RBFOX1: variants seen among roughly 807,000 people sequenced by gnomAD.
RBFOX1 encodes RNA binding protein fox-1 homolog 1.
RBFOX1 carries 8 observed loss-of-function variants against 57.7 expected under a neutral mutation model. The observed-to-expected ratio is 0.14, with a 90% CI of 0.08 to 0.25. The LOEUF (loss-of-function observed/expected upper bound fraction) is 0.25. Among genes scored for constraint, RBFOX1 ranks in the 10% least tolerant of loss-of-function variants. The pLI, the probability that RBFOX1 is intolerant of heterozygous loss-of-function variation, is 1.00. For synonymous variants in RBFOX1, 326 were observed against 222.4 expected (o/e 1.47, Z -4.15); for missense variants, 611 against 548.5 (o/e 1.11, Z -1.14).
At chr16:6,861,486 C>CG in intron 3 of RBFOX1, among the ~76,000 whole-genome samples, 1 of 118,992 alleles carries the variant, frequency 8.4e-6, no homozygotes, top group Admixed American at 9.4e-5. Flanking sequence ...TCCCAACCCC[C>CG]TCCCCCCCCG....
chr16:6,229,458 A>G (rs1458005801), intron 1 of RBFOX1, among the ~76,000 whole-genome samples: 1 of 152,184 alleles, frequency 6.6e-6, no homozygotes, highest in South Asian at 2.1e-4. Context: ...GTTTGAATCA[A>G]GAACCGGCAA....
At chr16:6,245,073 A>G (rs11077018) in intron 1 of RBFOX1, among the ~76,000 whole-genome samples, 1 of 151,988 alleles carries the variant, frequency 6.6e-6, no homozygotes, top group Non-Finnish European at 1.5e-5. Flanking sequence ...TTCTTGGCAG[A>G]AGCTATATCT....
intron 4 of RBFOX1, among the ~76,000 whole-genome samples, chr16:7,316,890 G>A (rs2096451700): frequency 6.6e-6 from 1 of 151,470 alleles, no homozygotes; most frequent in African/African-American, 2.4e-5. Context: ...GACACATAAG[G>A]GCCAGAGACG....
At chr16:6,802,250 G>A (rs368127848) in intron 3 of RBFOX1, among the ~76,000 whole-genome samples, 1 of 152,084 alleles carries the variant, frequency 6.6e-6, no homozygotes, top group Non-Finnish European at 1.5e-5. Flanking sequence ...CACTCAGTCA[G>A]TGCCGAAACA....
At chr16:7,155,306 G>A (rs992532984) in intron 4 of RBFOX1, among the ~76,000 whole-genome samples, 2 of 152,068 alleles carry the variant, frequency 1.3e-5, no homozygotes, top group Non-Finnish European at 2.9e-5. Flanking sequence ...GAGAGTTGGA[G>A]GATTGGCCAG....
intron 3 of RBFOX1, among the ~76,000 whole-genome samples, chr16:6,884,029 TC>T (rs2063471143): frequency 6.6e-6 from 1 of 152,128 alleles, no homozygotes; most frequent in South Asian, 2.1e-4. Flanking sequence ...TTTTTGTTCT[TC>T]TGACAAACTG....
intron 2 of RBFOX1, among the ~76,000 whole-genome samples, chr16:6,354,619 G>T (rs1262856302): frequency 1.3e-5 from 2 of 152,076 alleles, no homozygotes; most frequent in Non-Finnish European, 2.9e-5. Context: ...CTTCCTGACT[G>T]TATACTAGCT....
chr16:6,950,809 T>G, intron 3 of RBFOX1, among the ~76,000 whole-genome samples: 1 of 152,196 alleles, frequency 6.6e-6, no homozygotes, highest in East Asian at 1.9e-4. Flanking sequence ...CAACAGATGC[T>G]AAAGGACTAC....
At chr16:6,664,635 T>C (rs867412773) in intron 3 of RBFOX1, among the ~76,000 whole-genome samples, 4 of 152,170 alleles carry the variant, frequency 2.6e-5, no homozygotes, top group Admixed American at 6.5e-5. Context: ...TTACTGAGAC[T>C]GGGGACCAGG....
At chr16:7,391,594 C>T (rs116434350) in intron 4 of RBFOX1, among the ~76,000 whole-genome samples, 4 of 152,220 alleles carry the variant, frequency 2.6e-5, no homozygotes, top group African/African-American at 4.8e-5. Context: ...CACTTTATAA[C>T]TTCAGTACCT....
intron 14 of RBFOX1, among the ~76,000 whole-genome samples, chr16:7,686,947 C>G (rs564058109): frequency 1.3e-5 from 2 of 152,112 alleles, no homozygotes; most frequent in East Asian, 1.9e-4. Flanking sequence ...GGTAGAATAG[C>G]CAAACTGGGG....
chr16:5,315,155 TTGG>T (rs1225331340), intron 1 of RBFOX1, among the ~76,000 whole-genome samples: 5 of 152,168 alleles, frequency 3.3e-5, no homozygotes, highest in African/African-American at 9.7e-5. Context: ...GATCACGTTG[TTGG>T]TGGAGTCTGT....
At chr16:7,531,109 G>A (rs2079954933) in intron 5 of RBFOX1, among the ~76,000 whole-genome samples, 2 of 152,114 alleles carry the variant, frequency 1.3e-5, no homozygotes. Flanking sequence ...GATTTGTTTT[G>A]AAAGTGAAAA....
chr16:5,506,796 C>T (rs1409893861), intron 2 of RBFOX1, among the ~76,000 whole-genome samples: 1 of 152,124 alleles, frequency 6.6e-6, no homozygotes, highest in Non-Finnish European at 1.5e-5. Flanking sequence ...GGTACGACCA[C>T]TGGGTAATTC....
intron 3 of RBFOX1, among the ~76,000 whole-genome samples, chr16:6,694,961 C>A (rs1427500063): frequency 1.3e-5 from 2 of 151,884 alleles, no homozygotes; most frequent in African/African-American, 4.8e-5. Flanking sequence ...AGTTCAGTAC[C>A]ACAGGTGTCA....
intron 3 of RBFOX1, among the ~76,000 whole-genome samples, chr16:5,759,355 T>G (rs1053704662): frequency 1.3e-5 from 2 of 152,206 alleles, no homozygotes; most frequent in African/African-American, 4.8e-5. Context: ...TTCTGATGCT[T>G]GTATTTCCTT....
At chr16:7,444,772 T>A (rs920563439) in intron 4 of RBFOX1, among the ~76,000 whole-genome samples, 2 of 152,140 alleles carry the variant, frequency 1.3e-5, no homozygotes, top group Non-Finnish European at 2.9e-5. Flanking sequence ...GCTCAAGTGA[T>A]CCTCCCACCT....
intron 2 of RBFOX1, among the ~76,000 whole-genome samples, chr16:6,523,761 C>T (rs753766403): frequency 8.5e-5 from 13 of 152,202 alleles, no homozygotes; most frequent in South Asian, 4.2e-4. Flanking sequence ...TATAAAAAAG[C>T]GACTATTACA....
intron 3 of RBFOX1, among the ~76,000 whole-genome samples, chr16:7,033,004 C>T (rs2043201639): frequency 6.6e-6 from 1 of 152,142 alleles, no homozygotes; most frequent in Non-Finnish European, 1.5e-5. Flanking sequence ...GAAATCAGCT[C>T]AGCAAAAATA....
Sources: gnomAD v4.1 joint callset for allele counts (sites outside exome capture counted in the v4.1 genomes callset) on GRCh38, gnomAD v4.1.1 for gene constraint, MANE v1.5 for transcripts, NCBI Gene and HGNC (gene_info 2026-07-23, HGNC 2026-07-21) for gene names.